Variants in NAV2 observed in about 807,000 individuals in gnomAD.
The protein encoded by NAV2 is neuron navigator 2.
Under a neutral mutation model 223.2 loss-of-function variants are expected in NAV2, and 54 were observed. That is an observed-to-expected ratio of 0.24 (90% CI 0.19 to 0.30). NAV2 has a LOEUF of 0.30. NAV2 is among the 10% of genes least tolerant of loss of function. The pLI is 1.00. For synonymous variants in NAV2, 1,279 were observed against 1,239.3 expected, an observed-to-expected ratio of 1.03 and a Z score of -0.67; for missense variants, 2,806 against 3,147.5, an observed-to-expected ratio of 0.89 and a Z score of 2.60.
intron 1 of NAV2, among the ~76,000 whole-genome samples, chr11:19,458,171 G>A (rs1332861378): frequency 2.0e-5 from 3 of 152,232 alleles, no homozygotes; most frequent in African/African-American, 7.2e-5. Context: ...GTCCTGAGGA[G>A]TTCTTTGGGC....
chr11:19,971,010 A>G (rs891727190), intron 10 of NAV2, among the ~76,000 whole-genome samples: 11 of 152,116 alleles, frequency 7.2e-5, no homozygotes, highest in Admixed American at 7.2e-4. Context: ...GGTGGGGGAG[A>G]TGATCTAAAA....
At chr11:19,745,727 C>G (rs2053278613) in intron 1 of NAV2, among the ~76,000 whole-genome samples, 1 of 152,194 alleles carries the variant, frequency 6.6e-6, no homozygotes, top group South Asian at 2.1e-4. Flanking sequence ...AGTGTGCAAC[C>G]TAGATCCCTC....
chr11:19,546,409 A>G (rs1429442271), intron 1 of NAV2, among the ~76,000 whole-genome samples: 2 of 152,202 alleles, frequency 1.3e-5, no homozygotes, highest in African/African-American at 2.4e-5. Context: ...TGGGGCCCAG[A>G]TGGCAGAGGC....
chr11:19,524,970 G>A (rs774698512), intron 1 of NAV2, among the ~76,000 whole-genome samples: 1 of 152,112 alleles, frequency 6.6e-6, no homozygotes, highest in Admixed American at 6.5e-5. Context: ...TGGAGATGTG[G>A]GGTTTTTTTC....
At chr11:20,050,545 A>C (rs925290400) in intron 16 of NAV2, among the ~76,000 whole-genome samples, 4 of 151,598 alleles carry the variant, frequency 2.6e-5, no homozygotes, top group Non-Finnish European at 4.4e-5. Context: ...CTGGCCAAAC[A>C]TAACAAACAG....
At chr11:20,000,725 A>G (rs2052458438) in intron 11 of NAV2, among the ~76,000 whole-genome samples, 1 of 152,146 alleles carries the variant, frequency 6.6e-6, no homozygotes, top group African/African-American at 2.4e-5. Flanking sequence ...TTGTCATGCT[A>G]ATGACCCAGC....
intron 1 of NAV2, among the ~76,000 whole-genome samples, chr11:19,549,683 C>G (rs1235356139): frequency 6.6e-6 from 1 of 152,198 alleles, no homozygotes; most frequent in Non-Finnish European, 1.5e-5. Flanking sequence ...AGCAGAATTC[C>G]ACGGGAGTGG....
rs1429464494 is a variant in NAV2 at position 19,859,556 on chromosome 11, G to A, written c.439-9369G>A. On this transcript the variant is annotated intron_variant, in intron 3 of 37. Coordinates refer to ENST00000349880, the MANE Select transcript of NAV2 (RefSeq NM_145117.5). Reference sequence around the variant, plus strand: ...TGTCTACCTCTTTCTACACAGACACGGCAACCATCCGATTTCTCAATCTTT... The same window carrying A: ...TGTCTACCTCTTTCTACACAGACACAGCAACCATCCGATTTCTCAATCTTT... Among the ~76,000 whole-genome samples the A allele has an allele frequency of 8.6e-5, 13 of 151,542 alleles. No individual in the cohort carries two copies. In the East Asian group the frequency reaches 2.4e-3, roughly 27 times the overall value.
chr11:19,823,178 G>T (rs2059468747), intron 1 of NAV2, among the ~76,000 whole-genome samples: 1 of 152,108 alleles, frequency 6.6e-6, no homozygotes, highest in South Asian at 2.1e-4. Flanking sequence ...TTGAGTAGCT[G>T]GAACCACAGG....
intron 1 of NAV2, among the ~76,000 whole-genome samples, chr11:19,412,356 C>A (rs1184579933): frequency 1.3e-5 from 2 of 152,230 alleles, no homozygotes; most frequent in Non-Finnish European, 2.9e-5. Context: ...CTGCTGTAGC[C>A]AGACTGCCTC....
intron 1 of NAV2, among the ~76,000 whole-genome samples, chr11:19,697,151 A>G (rs2049366746): frequency 6.6e-6 from 1 of 152,234 alleles, no homozygotes; most frequent in Admixed American, 6.5e-5. Context: ...GCTGGAGGTC[A>G]TTATCCTAGC....
At chr11:19,884,947 T>G (rs2063439435) in intron 5 of NAV2, among the ~76,000 whole-genome samples, 1 of 152,206 alleles carries the variant, frequency 6.6e-6, no homozygotes, top group South Asian at 2.1e-4. Context: ...GGAGACCGCC[T>G]CAGTTCCCTG....
chr11:19,644,296 A>G (rs1160469488), intron 1 of NAV2, among the ~76,000 whole-genome samples: 1 of 152,242 alleles, frequency 6.6e-6, no homozygotes, highest in Admixed American at 6.5e-5. Context: ...GTCCTTGTGT[A>G]TAGCCCCTCT....
chr11:19,972,928 G>C (rs1439422096), intron 10 of NAV2, among the ~76,000 whole-genome samples: 1 of 152,170 alleles, frequency 6.6e-6, no homozygotes, highest in African/African-American at 2.4e-5. Flanking sequence ...TCCTACATGT[G>C]ACTCTATGTG....
Position 19,963,314 on chromosome 11 carries a change from C to T in NAV2, c.2645+14234C>T, listed in dbSNP as rs183740843. On this transcript the variant is annotated intron_variant, in intron 10 of 37. Coordinates refer to ENST00000349880, the MANE Select transcript of NAV2 (RefSeq NM_145117.5). The stretch of plus-strand genomic sequence containing the variant: ...GCTCTGAGAGGTGAAGTTACTTGGC[C>T]GGGCCACACAGACAGTAACTGGTGG... 5.3e-5 allele frequency among the ~76,000 whole-genome samples: 8 copies of T among 152,252 alleles called. 1 individual carries two copies. The highest frequency in any genetic ancestry group is 1.2e-4 in the African/African-American group (5 of 41,546).
In NAV2 at chr11:19,913,775, T is replaced by G. The variant is rs559455782; in HGVS notation, c.932-19401T>G. On this transcript the variant is annotated intron_variant, in intron 6 of 37. Transcript: ENST00000349880. ...ATCGCAGTGCTTCCTTTTAGTTCTA[T>G]GTACTTTGATCAAACGATAGTTACC... Among the ~76,000 whole-genome samples the G allele has an allele frequency of 2.8e-5, 4 of 142,410 alleles. No individual in the cohort carries two copies. In the East Asian group the frequency reaches 8.6e-4, roughly 31 times the overall value. The allele number at this position is 142,410 out of a possible 152,430, so 93.4% of individuals were successfully genotyped here.
At chr11:19,533,589 C>A (rs1312548205) in intron 1 of NAV2, among the ~76,000 whole-genome samples, 1 of 152,140 alleles carries the variant, frequency 6.6e-6, no homozygotes, top group African/African-American at 2.4e-5. Flanking sequence ...TCTTTTCAGT[C>A]ATTGTCCTCC....
chr11:19,744,791 A>G (rs575788046), intron 1 of NAV2, among the ~76,000 whole-genome samples: 3 of 152,296 alleles, frequency 2.0e-5, no homozygotes, highest in South Asian at 2.1e-4. Flanking sequence ...GTCTTCTTTC[A>G]TGCATCATCA....
At position 19,411,177 on chromosome 11, in the gene NAV2, G is replaced by T. The variant is rs560811955; in HGVS notation, c.75+60150G>T. Reference sequence around the variant, plus strand: ...GCTAGGTGAGTCCTGAGAATCTGCCGCAACAAGGTCCCAGGTGATGCTGCT... The same window carrying T: ...GCTAGGTGAGTCCTGAGAATCTGCCTCAACAAGGTCCCAGGTGATGCTGCT... On this transcript the variant is annotated intron_variant, in intron 1 of 37. Coordinates refer to the NAV2 transcript ENST00000360655. Among the ~76,000 whole-genome samples the T allele has an allele frequency of 9.2e-5, 14 of 152,202 alleles. No homozygotes were observed. In the South Asian group the frequency reaches 2.9e-3, roughly 32 times the overall value.
Sources: gnomAD v4.1 joint callset for allele counts (sites outside exome capture counted in the v4.1 genomes callset) on GRCh38, gnomAD v4.1.1 for gene constraint, MANE v1.5 for transcripts, NCBI Gene and HGNC (gene_info 2026-07-23, HGNC 2026-07-21) for gene names.